The following SEMA3D variants were observed in gnomAD, a reference collection of about 807,000 sequenced individuals.
SEMA3D encodes semaphorin-3D.
In SEMA3D, 84 loss-of-function variants were observed where a neutral mutation model predicts 100.1. The ratio of observed to expected loss-of-function variants is 0.84; its 90% CI spans 0.70 to 1.01. The LOEUF is 1.01. SEMA3D is among the 50% of genes least tolerant of loss of function. The probability of loss-of-function intolerance (pLI) is 0.00; values close to 1 mark genes in which losing one functional copy is unlikely to be tolerated. For synonymous variants in SEMA3D, 312 were observed against 320.7 expected, an observed-to-expected ratio of 0.97 and a Z score of 0.29; for missense variants, 875 against 934.1, an observed-to-expected ratio of 0.94 and a Z score of 0.82.
chr7:85,204,888 C>T, the SEMA3D span, among the ~76,000 whole-genome samples: 1 of 152,004 alleles, frequency 6.6e-6, no homozygotes, highest in Admixed American at 6.6e-5. Flanking sequence ...GAAATAAACT[C>T]AGATATATTT....
chr7:85,045,456 A>G (rs1017260957), intron 9 of SEMA3D, among the ~76,000 whole-genome samples: 2 of 151,992 alleles, frequency 1.3e-5, no homozygotes, highest in South Asian at 4.1e-4. Context: ...CTGTCATAAA[A>G]AGCCTGTCGG....
Position 85,147,098 on chromosome 7 carries a change from T to C in SEMA3D, c.-41+6510A>G, listed in dbSNP as rs1262805449. Reference sequence around the variant, plus strand: ...TTTCTTTTCTTTTTCTTTTCTTTTTTTTTTTTTTTTTTTTTTTTTTTGAGA... The same window carrying C: ...TTTCTTTTCTTTTTCTTTTCTTTTTCTTTTTTTTTTTTTTTTTTTTTGAGA... On this transcript the variant is annotated intron_variant, in intron 2 of 18. Coordinates refer to ENST00000284136, the MANE Select transcript of SEMA3D (RefSeq NM_001384900.1). Among the ~76,000 whole-genome samples, 18 of 112,796 alleles carry C rather than the reference T, an allele frequency of 1.6e-4. No individual in the cohort carries two copies. The East Asian group carries it at 2.5e-3, about 15-fold the overall frequency. The allele number at this position is 112,796 out of a possible 152,430, so 74.0% of individuals were successfully genotyped here.
rs182298429 is a variant in SEMA3D, at chr7:84,999,200, A to C, written c.*240T>G. 2.8e-5 allele frequency: 14 copies of C among 506,660 alleles called. No individual in the cohort carries two copies. Among genetic ancestry groups the C allele is most frequent in the Admixed American group, 2.4e-4 (7 of 28,628 alleles). The allele number at this position is 506,660 out of a possible 1,614,324, so 31.4% of individuals were successfully genotyped here. A position where few individuals can be genotyped will look rare whatever the true frequency, so the allele number is the denominator to read the frequency against. On this transcript the variant is annotated 3_prime_UTR_variant, in exon 19 of 19. Coordinates refer to ENST00000284136, the MANE Select transcript of SEMA3D (RefSeq NM_001384900.1). ...AAACATAAAACATTTACAACTGTAAACCCCCTATTTTTAGGATAATTCTTA... is the reference window on the plus strand; with the variant it reads ...AAACATAAAACATTTACAACTGTAACCCCCCTATTTTTAGGATAATTCTTA...
At chr7:85,170,758 C>A (rs1791063008) in intron 1 of SEMA3D, among the ~76,000 whole-genome samples, 1 of 151,928 alleles carries the variant, frequency 6.6e-6, no homozygotes, top group Non-Finnish European at 1.5e-5. Context: ...TGGGTTATTT[C>A]ATTGTTCAAA....
intron 1 of SEMA3D, among the ~76,000 whole-genome samples, chr7:85,163,453 G>C (rs776818472): frequency 2.0e-5 from 3 of 150,958 alleles, no homozygotes; most frequent in Admixed American, 6.6e-5. Flanking sequence ...ATCAGAAATG[G>C]AATCTGGAAA....
Position 85,097,904 on chromosome 7 carries a change from T to C in SEMA3D, c.213A>G (p.Gln71=), listed in dbSNP as rs1047629628. The C allele has an allele frequency of 6.2e-7, 1 of 1,609,366 alleles. No individual in the cohort carries two copies. Among genetic ancestry groups the C allele is most frequent in the Non-Finnish European group, 8.5e-7 (1 of 1,177,024 alleles). The change falls in exon 4 of 19, where the codon CAA becomes CAG. Residue 71 remains glutamine (Q), a synonymous_variant. Coordinates refer to ENST00000284136, the MANE Select transcript of SEMA3D (RefSeq NM_001384900.1). Reference sequence around the variant, plus strand: ...CTCTTTCCTCATCTAAGAGAAGAGTTTGAAAATCCAGTCCTTCTGATGAAC... The same window carrying C: ...CTCTTTCCTCATCTAAGAGAAGAGTCTGAAAATCCAGTCCTTCTGATGAAC... ...FLGSSEGLDF[Q]TLLLDEERGR...
At chr7:85,154,578 C>T (rs2116499656) in intron 1 of SEMA3D, among the ~76,000 whole-genome samples, 1 of 152,198 alleles carries the variant, frequency 6.6e-6, no homozygotes, top group Non-Finnish European at 1.5e-5. Context: ...AATGCACTTG[C>T]ACAGTTTGTG....
Position 85,179,756 on chromosome 7 carries a change from G to C in SEMA3D, c.-173+6922C>G, listed in dbSNP as rs183409602. Among the ~76,000 whole-genome samples the C allele has an allele frequency of 5.2e-3, 791 of 151,874 alleles. 10 individuals carry two copies. The highest frequency in any genetic ancestry group is 0.018 in the African/African-American group (748 of 41,424). ...GGCTCACTGCAAGCTCCGCCTCCTG[G>C]GCTCACACCATTCTCCTGCCTCAGC... On this transcript the variant is annotated intron_variant, in intron 1 of 18. Coordinates refer to ENST00000284136, the MANE Select transcript of SEMA3D (RefSeq NM_001384900.1).
chr7:85,247,094 T>C, the SEMA3D span, among the ~76,000 whole-genome samples: 15 of 152,130 alleles, frequency 9.9e-5, no homozygotes, highest in Non-Finnish European at 1.8e-4. Context: ...AAGGAGCTCA[T>C]AGAGAAATTC....
At chr7:85,093,426 T>C (rs1788458864) in intron 4 of SEMA3D, among the ~76,000 whole-genome samples, 1 of 151,986 alleles carries the variant, frequency 6.6e-6, no homozygotes, top group Non-Finnish European at 1.5e-5. Context: ...ATGTGACCCA[T>C]GAAGACTGTG....
intron 1 of SEMA3D, chr7:85,167,118 G>A (rs1331821524): frequency 8.9e-6 from 2 of 223,716 alleles, no homozygotes; most frequent in Non-Finnish European, 1.5e-5. Flanking sequence ...CAGGTAAACT[G>A]AGACCCGCCT....
chr7:85,220,854 A>G, the SEMA3D span, among the ~76,000 whole-genome samples: 2 of 152,272 alleles, frequency 1.3e-5, no homozygotes, highest in Non-Finnish European at 2.9e-5. Context: ...CAGTTGGTTC[A>G]GGTCAGAGGG....
At chr7:85,037,952 G>A (rs1025710089) in intron 11 of SEMA3D, among the ~76,000 whole-genome samples, 13 of 148,786 alleles carry the variant, frequency 8.7e-5, no homozygotes, top group East Asian at 6.1e-4. Flanking sequence ...GAGAACATGC[G>A]GTATTTGGTT....
chr7:85,075,393 T>C (rs2286192), intron 5 of SEMA3D, among the ~76,000 whole-genome samples: 26,789 of 151,070 alleles, frequency 0.18, 2,817 homozygotes, highest in African/African-American at 0.3. Flanking sequence ...CAACATTTTA[T>C]ACACAATGGG....
Position 84,999,642 on chromosome 7 carries a change from A to T in SEMA3D, c.2132T>A (p.Leu711Ter). ...KVKDLLAESRLRYKDYIQILS... is the reference protein window; with the variant it reads ...KVKDLLAESR ...GATTTGGATGTAGTCTTTGTATCTC[A>T]ACCGTGACTCAGCCAATAGATCCTT... The change falls in exon 19 of 19, where the codon TTG becomes TAG. Residue 711 changes from leucine to a stop codon, truncating the protein, a stop_gained. Transcript: ENST00000284136. LOFTEE classifies it high-confidence loss of function. 1 of 1,613,606 alleles carries T rather than the reference A, an allele frequency of 6.2e-7. No homozygotes were observed. Among genetic ancestry groups the T allele is most frequent in the Non-Finnish European group, 8.5e-7 (1 of 1,179,624 alleles).
chr7:85,129,441 G>A (rs2116428563), intron 2 of SEMA3D, among the ~76,000 whole-genome samples: 2 of 152,002 alleles, frequency 1.3e-5, no homozygotes, highest in African/African-American at 4.8e-5. Flanking sequence ...TGTCAAAGGA[G>A]GAAAAATTGA....
the SEMA3D span, among the ~76,000 whole-genome samples, chr7:85,244,443 C>T: frequency 6.6e-6 from 1 of 152,254 alleles, no homozygotes; most frequent in Admixed American, 6.5e-5. Context: ...CATAATCAAA[C>T]TGCTGCATAT....
At chr7:85,144,145 A>G (rs927242719) in intron 2 of SEMA3D, among the ~76,000 whole-genome samples, 6 of 152,140 alleles carry the variant, frequency 3.9e-5, no homozygotes, top group East Asian at 1.9e-4. Context: ...TAATCAAAAA[A>G]CCATTTTCAT....
chr7:85,147,073 T>C (rs866629591), intron 2 of SEMA3D, among the ~76,000 whole-genome samples: 10 of 146,812 alleles, frequency 6.8e-5, no homozygotes, highest in Middle Eastern at 6.8e-3. Context: ...TCCATCTTTC[T>C]TTCTTTTCTT....
Sources: allele counts gnomAD v4.1 joint callset (sites outside exome capture counted in the v4.1 genomes callset), GRCh38; gene constraint gnomAD v4.1.1; transcripts MANE v1.5; gene names NCBI Gene and HGNC (gene_info 2026-07-23, HGNC 2026-07-21).